Variants in ARHGAP42 observed in about 807,000 individuals in gnomAD.
The protein encoded by ARHGAP42 is rho GTPase-activating protein 42.
A neutral mutation model predicts 125.0 loss-of-function variants in ARHGAP42; 63 were observed. The observed-to-expected ratio is 0.50, with a 90% confidence interval of 0.41 to 0.62. The LOEUF (loss-of-function observed/expected upper bound fraction) is 0.62. ARHGAP42 is among the 20% of genes least tolerant of loss of function. ARHGAP42 has a pLI of 0.00. For missense variants in ARHGAP42, 766 were observed against 1,024.2 expected, an observed-to-expected ratio of 0.75 and a Z score of 3.44; for synonymous variants, 339 against 351.0, an observed-to-expected ratio of 0.97 and a Z score of 0.38.
intron 2 of ARHGAP42, among the ~76,000 whole-genome samples, chr11:100,782,459 G>A (rs1449385243): frequency 6.6e-6 from 1 of 152,206 alleles, no homozygotes. Flanking sequence ...AGTGAGTTAG[G>A]AGGCAGAATA....
intron 6 of ARHGAP42, among the ~76,000 whole-genome samples, chr11:100,927,991 G>A (rs950317171): frequency 7.2e-5 from 11 of 152,106 alleles, no homozygotes; most frequent in African/African-American, 2.2e-4. Context: ...ATATGCTTTC[G>A]TTTTCATGCC....
At chr11:100,973,411 G>A in intron 18 of ARHGAP42, 77 bp downstream of exon 18, 1 of 1,422,988 alleles carries the variant, frequency 7.0e-7, no homozygotes. Flanking sequence ...TGATCTGTGA[G>A]CTCATGAGTT....
chr11:100,987,590 A>C lies in ARHGAP42; in HGVS notation c.2534A>C (p.Asn845Thr), dbSNP rs756481865. Residue 845 changes from asparagine to threonine, a missense_variant and splice_region_variant, in exon 23 of 24, where the codon AAT becomes ACT. By Grantham distance (65) the Asn-to-Thr change is moderately conservative. Coordinates refer to ENST00000298815, the MANE Select transcript of ARHGAP42 (RefSeq NM_152432.4). ...LSFPQGAIFSNVYPSVEPGWL... is the reference protein window; with the variant it reads ...LSFPQGAIFSTVYPSVEPGWL... ...TTCCCACAAGGAGCAATATTTTCTAATGGTAAGTATGTCAATTCCCTCTGC... is the reference window on the plus strand; with the variant it reads ...TTCCCACAAGGAGCAATATTTTCTACTGGTAAGTATGTCAATTCCCTCTGC... The C allele has an allele frequency of 6.4e-7, 1 of 1,550,958 alleles. No individual in the cohort carries two copies. The highest frequency in any genetic ancestry group is 1.2e-5 in the South Asian group (1 of 84,040).
chr11:100,857,102 A>G (rs545322934), intron 3 of ARHGAP42, among the ~76,000 whole-genome samples: 2 of 152,196 alleles, frequency 1.3e-5, no homozygotes, highest in African/African-American at 4.8e-5. Flanking sequence ...ACACTCAAGA[A>G]ATCATTTCTG....
chr11:100,776,330 A>G (rs891879517), intron 2 of ARHGAP42, among the ~76,000 whole-genome samples: 5 of 152,326 alleles, frequency 3.3e-5, no homozygotes, highest in Middle Eastern at 3.4e-3. Flanking sequence ...GTGATGACCT[A>G]GACTCTCAGG....
intron 2 of ARHGAP42, among the ~76,000 whole-genome samples, chr11:100,788,592 T>C (rs1019621946): frequency 6.6e-6 from 1 of 152,204 alleles, no homozygotes; most frequent in Admixed American, 6.5e-5. Context: ...AAAAATCTTA[T>C]TTGATGTTGT....
intron 3 of ARHGAP42, among the ~76,000 whole-genome samples, chr11:100,837,666 C>CTTTTTTTT (rs373059302): frequency 0.015 from 934 of 60,658 alleles, 129 homozygotes; most frequent in African/African-American, 0.019. Context: ...AGGTGTCATC[C>CTTTTTTTT]TTTTTTTTTT....
chr11:100,720,164 G>A (rs1459302938), intron 1 of ARHGAP42, among the ~76,000 whole-genome samples: 1 of 152,224 alleles, frequency 6.6e-6, no homozygotes, highest in African/African-American at 2.4e-5. Context: ...GGTTATTCAC[G>A]TAGATGGCCT....
chr11:100,908,205 T>C (rs1258526620), intron 4 of ARHGAP42, among the ~76,000 whole-genome samples: 1 of 152,232 alleles, frequency 6.6e-6, no homozygotes, highest in Non-Finnish European at 1.5e-5. Flanking sequence ...TTAGATAACA[T>C]TTCCATAATT....
At position 100,805,661 on chromosome 11, in the gene ARHGAP42, G is replaced by T. The variant is rs897094842; in HGVS notation, c.312+10495G>T. On this transcript the variant is annotated intron_variant, in intron 3 of 23. Coordinates refer to ENST00000298815, the MANE Select transcript of ARHGAP42 (RefSeq NM_152432.4). ...ACTTCTTGATTATATGCTAAACAAG[G>T]GGTGGAGTATTCAGGAGTTTTCTGG... Among the ~76,000 whole-genome samples, 3 of 152,290 alleles carry T rather than the reference G, an allele frequency of 2.0e-5. No homozygotes were observed. The East Asian group carries it at 5.8e-4, about 29-fold the overall frequency.
Position 100,993,300 on chromosome 11 carries a change from C to A in ARHGAP42, c.*4499C>A, listed in dbSNP as rs1299571270. ...GATGCATTTTATATAAAAATGCACA[C>A]CTTTAATCTCTATATGGCAGCATAT... On this transcript the variant is annotated 3_prime_UTR_variant, in exon 24 of 24. Coordinates refer to ENST00000298815, the MANE Select transcript of ARHGAP42 (RefSeq NM_152432.4). The A allele has an allele frequency of 6.0e-6, 1 of 166,748 alleles. No individual in the cohort carries two copies. Among genetic ancestry groups the A allele is most frequent in the Non-Finnish European group, 1.5e-5 (1 of 68,226 alleles). 10.3% of individuals were successfully genotyped at this position (166,748 alleles called of 1,614,324 possible). A position where few individuals can be genotyped will look rare whatever the true frequency, so the allele number is the denominator to read the frequency against.
At chr11:100,856,074 A>G (rs1424832810) in intron 3 of ARHGAP42, among the ~76,000 whole-genome samples, 2 of 152,062 alleles carry the variant, frequency 1.3e-5, no homozygotes, top group Non-Finnish European at 1.5e-5. Context: ...GGGATCCTGA[A>G]TCTCCTGAAC....
chr11:100,694,417 G>A (rs1469548510), intron 1 of ARHGAP42, among the ~76,000 whole-genome samples: 1 of 152,006 alleles, frequency 6.6e-6, no homozygotes, highest in African/African-American at 2.4e-5. Flanking sequence ...TTGAAGGAAA[G>A]GGGGGTTATT....
chr11:100,934,743 A>C lies in ARHGAP42; in HGVS notation c.703-1460A>C, dbSNP rs142370209. 7.3e-3 allele frequency among the ~76,000 whole-genome samples: 1,105 copies of C among 152,326 alleles called. 18 individuals carry two copies. The highest frequency in any genetic ancestry group is 0.025 in the African/African-American group (1,034 of 41,586). On this transcript the variant is annotated intron_variant, in intron 7 of 23. Coordinates refer to ENST00000298815, the MANE Select transcript of ARHGAP42 (RefSeq NM_152432.4). ...CTACAAAGTGTATGTTTTTCTGCTTATCTGGTTCTTGCTGTTGTGGAAATG... is the reference window on the plus strand; with the variant it reads ...CTACAAAGTGTATGTTTTTCTGCTTCTCTGGTTCTTGCTGTTGTGGAAATG...
chr11:100,976,749 T>C, intron 20 of ARHGAP42, 66 bp from the exon 21 acceptor site: 1 of 1,523,940 alleles, frequency 6.6e-7, no homozygotes, highest in Non-Finnish European at 8.9e-7. Flanking sequence ...GTTATGCACA[T>C]GTACGTGTTA....
intron 7 of ARHGAP42, among the ~76,000 whole-genome samples, chr11:100,935,636 G>T (rs923809444): frequency 1.3e-5 from 2 of 148,978 alleles, no homozygotes; most frequent in Non-Finnish European, 3.0e-5. Context: ...TAATGTTAGA[G>T]TGTGAAAATA....
chr11:100,801,203 A>G (rs1863843681), intron 3 of ARHGAP42, among the ~76,000 whole-genome samples: 1 of 152,154 alleles, frequency 6.6e-6, no homozygotes, highest in Non-Finnish European at 1.5e-5. Context: ...ATTTTGTACA[A>G]AGATGTGTCA....
intron 4 of ARHGAP42, among the ~76,000 whole-genome samples, chr11:100,902,229 T>A (rs1866572369): frequency 6.6e-6 from 1 of 152,212 alleles, no homozygotes; most frequent in African/African-American, 2.4e-5. Context: ...GCAGTTGTGC[T>A]GTTTAATGCT....
intron 2 of ARHGAP42, among the ~76,000 whole-genome samples, chr11:100,775,971 C>A (rs1169363223): frequency 6.6e-6 from 1 of 151,952 alleles, no homozygotes. Flanking sequence ...ACCAGCCTGA[C>A]CAACATGGTG....
Sources: allele counts gnomAD v4.1 joint callset (sites outside exome capture counted in the v4.1 genomes callset), GRCh38; gene constraint gnomAD v4.1.1; transcripts MANE v1.5; gene names NCBI Gene and HGNC (gene_info 2026-07-23, HGNC 2026-07-21).